PDE1A: variants seen among roughly 807,000 people sequenced by gnomAD.
PDE1A encodes dual specificity calcium/calmodulin-dependent 3',5'-cyclic nucleotide phosphodiesterase 1A.
Under a neutral mutation model 61.7 loss-of-function variants are expected in PDE1A, and 35 were observed. The ratio of observed to expected loss-of-function variants is 0.57; its 90% CI spans 0.43 to 0.75. PDE1A has a LOEUF of 0.75. Among genes scored for constraint, PDE1A ranks in the 30% least tolerant of loss-of-function variants. The pLI, the probability that PDE1A is intolerant of heterozygous loss-of-function variation, is 0.00. For missense variants in PDE1A, 597 were observed against 630.6 expected, an observed-to-expected ratio of 0.95 and a Z score of 0.57; for synonymous variants, 232 against 213.2, an observed-to-expected ratio of 1.09 and a Z score of -0.77.
At chr2:182,413,372 A>G (rs1382804550) in intron 1 of PDE1A, among the ~76,000 whole-genome samples, 2 of 152,162 alleles carry the variant, frequency 1.3e-5, no homozygotes, top group Non-Finnish European at 2.9e-5. Flanking sequence ...TAAATTTTAA[A>G]TGGGAGGCTA....
chr2:182,252,316 G>GT (rs1007050881), intron 2 of PDE1A, among the ~76,000 whole-genome samples: 2 of 150,118 alleles, frequency 1.3e-5, no homozygotes, highest in African/African-American at 5.1e-5. Flanking sequence ...GTGTAAAAAT[G>GT]TTTAAAAAAA....
chr2:182,563,080 T>C, the PDE1A span, among the ~76,000 whole-genome samples: 2 of 152,238 alleles, frequency 1.3e-5, no homozygotes, highest in Non-Finnish European at 2.9e-5. Context: ...ATTTTAGTTA[T>C]CTCTTGCCTT....
At chr2:182,466,238 T>G (rs530515952) in intron 2 of PDE1A, among the ~76,000 whole-genome samples, 2 of 152,218 alleles carry the variant, frequency 1.3e-5, no homozygotes, top group East Asian at 3.9e-4. Flanking sequence ...TTTAAAGATA[T>G]TGAGTTTATC....
chr2:182,190,195 A>G lies in PDE1A; in HGVS notation c.1126-1135T>C, dbSNP rs1244065330. On this transcript the variant is annotated intron_variant, in intron 10 of 13. Coordinates refer to ENST00000351439, the Ensembl canonical transcript of PDE1A. ...AGTCTAGAATCAGAATTGTTGAGGA[A>G]AATCTAGATATGGCCATCAAAGAAG... 2.6e-5 allele frequency among the ~76,000 whole-genome samples: 4 copies of G among 152,360 alleles called. No individual in the cohort carries two copies. In the East Asian group the frequency reaches 7.7e-4, roughly 29 times the overall value.
intron 2 of PDE1A, among the ~76,000 whole-genome samples, chr2:182,498,264 A>C (rs555642014): frequency 3.3e-4 from 50 of 152,274 alleles, no homozygotes; most frequent in African/African-American, 1.2e-3. Context: ...AAGTCTATTC[A>C]TATAGAAGAA....
intron 1 of PDE1A, among the ~76,000 whole-genome samples, chr2:182,388,517 C>T (rs1246022402): frequency 3.3e-5 from 5 of 152,002 alleles, no homozygotes; most frequent in Admixed American, 1.3e-4. Flanking sequence ...TTAATAACAG[C>T]AAGACTTTCA....
intron 4 of PDE1A, 48 bp from the exon 5 acceptor site, chr2:182,231,179 C>G (rs1689548952): frequency 3.2e-6 from 3 of 936,392 alleles, no homozygotes; most frequent in Non-Finnish European, 5.1e-6. Context: ...CATACTGTTT[C>G]TACGAGAATT....
chr2:182,513,687 T>G (rs1253677059), intron 2 of PDE1A, among the ~76,000 whole-genome samples: 1 of 152,240 alleles, frequency 6.6e-6, no homozygotes, highest in Non-Finnish European at 1.5e-5. Flanking sequence ...ACCTGTATGC[T>G]GTCTTCAAGA....
chr2:182,682,704 T>C, the PDE1A span, among the ~76,000 whole-genome samples: 1 of 152,256 alleles, frequency 6.6e-6, no homozygotes. Flanking sequence ...GTCAAGACTT[T>C]ACCCAATATT....
At chr2:182,573,302 T>C in the PDE1A span, among the ~76,000 whole-genome samples, 1 of 152,170 alleles carries the variant, frequency 6.6e-6, no homozygotes, top group South Asian at 2.1e-4. Flanking sequence ...ATGTTTCATC[T>C]GAATCTCACT....
At chr2:182,482,364 G>GA (rs1370940958) in intron 2 of PDE1A, among the ~76,000 whole-genome samples, 1 of 151,660 alleles carries the variant, frequency 6.6e-6, no homozygotes, top group Non-Finnish European at 1.5e-5. Flanking sequence ...TAAAGTATAA[G>GA]AAAAAATATG....
downstream of PDE1A, among the ~76,000 whole-genome samples, chr2:182,145,421 C>T (rs1044830314): frequency 2.0e-5 from 3 of 151,926 alleles, no homozygotes; most frequent in African/African-American, 4.8e-5. Context: ...TTACTTTGAG[C>T]GGGCCGCACA....
At chr2:182,697,481 T>C in the PDE1A span, among the ~76,000 whole-genome samples, 1 of 152,192 alleles carries the variant, frequency 6.6e-6, no homozygotes, top group African/African-American at 2.4e-5. Context: ...CCTGTCCCAG[T>C]CCTTCCCCAG....
intron 13 of PDE1A, among the ~76,000 whole-genome samples, chr2:182,184,193 C>A (rs1219501582): frequency 1.3e-5 from 2 of 151,422 alleles, no homozygotes; most frequent in Non-Finnish European, 2.9e-5. Context: ...TGACAGAAAG[C>A]TTTCTAAATT....
At chr2:182,425,879 AT>A (rs1258588552) in intron 1 of PDE1A, among the ~76,000 whole-genome samples, 1 of 152,186 alleles carries the variant, frequency 6.6e-6, no homozygotes, top group African/African-American at 2.4e-5. Flanking sequence ...CTTTTAAATT[AT>A]TTTTTATTTT....
chr2:182,151,577 C>A (rs1178448928), intron 13 of PDE1A, among the ~76,000 whole-genome samples: 1 of 152,162 alleles, frequency 6.6e-6, no homozygotes, highest in African/African-American at 2.4e-5. Context: ...TCATGAGTAA[C>A]CTACCCTCAC....
chr2:182,609,076 CCAAT>C, the PDE1A span, among the ~76,000 whole-genome samples: 1 of 152,106 alleles, frequency 6.6e-6, no homozygotes, highest in African/African-American at 2.4e-5. Context: ...TGTAAATACA[CCAAT>C]CAGCACTCTA....
the PDE1A span, among the ~76,000 whole-genome samples, chr2:182,669,946 C>T: frequency 2.6e-5 from 4 of 152,182 alleles, no homozygotes; most frequent in African/African-American, 4.8e-5. Flanking sequence ...GGGCCACACA[C>T]GGGCCCATTT....
chr2:182,623,138 G>A, the PDE1A span, among the ~76,000 whole-genome samples: 1 of 152,112 alleles, frequency 6.6e-6, no homozygotes, highest in African/African-American at 2.4e-5. Context: ...ATGCTTTGGG[G>A]CCTGGCAAGA....
Sources: allele counts gnomAD v4.1 joint callset (sites outside exome capture counted in the v4.1 genomes callset), GRCh38; gene constraint gnomAD v4.1.1; transcripts MANE v1.5; gene names NCBI Gene and HGNC (gene_info 2026-07-23, HGNC 2026-07-21).